The following DENND1A variants were observed in gnomAD, a reference collection of about 807,000 sequenced individuals.
The protein encoded by DENND1A is DENN domain containing 1A, also known as DENN domain-containing protein 1A.
A neutral mutation model predicts 113.7 loss-of-function variants in DENND1A; 51 were observed. The ratio of observed to expected loss-of-function variants is 0.45; its 90% CI spans 0.36 to 0.57. The LOEUF (loss-of-function observed/expected upper bound fraction) is 0.57. Ranked by LOEUF, DENND1A falls within the 20% of genes least tolerant of loss-of-function variation. The pLI is 0.00. For missense variants in DENND1A, 1,258 were observed against 1,395.9 expected (o/e 0.90, Z 1.57); for synonymous variants, 565 against 570.8 (o/e 0.99, Z 0.14).
At chr9:123,888,734 A>G (rs1849462339) in intron 1 of DENND1A, among the ~76,000 whole-genome samples, 1 of 152,246 alleles carries the variant, frequency 6.6e-6, no homozygotes, top group African/African-American at 2.4e-5. Flanking sequence ...AAGAGAAATG[A>G]CAACTAAATG....
intron 6 of DENND1A, among the ~76,000 whole-genome samples, chr9:123,676,133 C>T (rs2064063173): frequency 6.6e-6 from 1 of 152,130 alleles, no homozygotes; most frequent in South Asian, 2.1e-4. Context: ...CATAAAGGTC[C>T]AACTGGCCTT....
In DENND1A at chr9:123,709,011, T is replaced by G. The variant is rs182345071; in HGVS notation, c.303-32222A>C. 2.3e-3 allele frequency among the ~76,000 whole-genome samples: 344 copies of G among 152,350 alleles called. 3 individuals are homozygous for G. Among genetic ancestry groups the G allele is most frequent in the African/African-American group, 8.0e-3 (332 of 41,590 alleles). On this transcript the variant is annotated intron_variant, in intron 5 of 23. Coordinates refer to ENST00000394215, the MANE Select transcript of DENND1A (RefSeq NM_001352964.2). ...CGCCTCAGCCCTTTTTGGCTATCAG[T>G]AGGCTGCCTACCATTCCCCTGGAAT...
chr9:123,641,374 C>T (rs955421607), intron 9 of DENND1A, among the ~76,000 whole-genome samples: 1 of 150,624 alleles, frequency 6.6e-6, no homozygotes, highest in Non-Finnish European at 1.5e-5. Context: ...ATGACTTGAC[C>T]GCATTACTAA....
intron 19 of DENND1A, among the ~76,000 whole-genome samples, chr9:123,434,026 A>G (rs749758160): frequency 1.3e-5 from 2 of 152,254 alleles, no homozygotes; most frequent in African/African-American, 2.4e-5. Flanking sequence ...TTCTATTTGG[A>G]AACAAAATCC....
chr9:123,797,852 T>A (rs1043275733), intron 2 of DENND1A, among the ~76,000 whole-genome samples: 1 of 152,186 alleles, frequency 6.6e-6, no homozygotes, highest in African/African-American at 2.4e-5. Flanking sequence ...TTTTGAATTT[T>A]TTTAATTAAA....
At chr9:123,397,612 C>A (rs2043201698) in intron 21 of DENND1A, among the ~76,000 whole-genome samples, 1 of 152,180 alleles carries the variant, frequency 6.6e-6, no homozygotes, top group South Asian at 2.1e-4. Flanking sequence ...ACACACGGAA[C>A]AAGTCCACAT....
At chr9:123,427,868 G>A (rs2045860175) in intron 19 of DENND1A, among the ~76,000 whole-genome samples, 1 of 152,194 alleles carries the variant, frequency 6.6e-6, no homozygotes. Context: ...GCCTTGCGTG[G>A]GAGTTACTAG....
At chr9:123,879,597 G>A (rs1848035786) in intron 1 of DENND1A, among the ~76,000 whole-genome samples, 1 of 150,524 alleles carries the variant, frequency 6.6e-6, no homozygotes, top group Admixed American at 6.6e-5. Context: ...ATGATGTCTG[G>A]CACATAATAG....
chr9:123,465,260 C>T (rs1006447909), intron 13 of DENND1A, among the ~76,000 whole-genome samples: 4 of 148,506 alleles, frequency 2.7e-5, no homozygotes, highest in Non-Finnish European at 5.9e-5. Context: ...CAAATAACAA[C>T]AGTACAGTGT....
At chr9:123,467,207 G>C (rs2049030614) in intron 13 of DENND1A, among the ~76,000 whole-genome samples, 1 of 152,240 alleles carries the variant, frequency 6.6e-6, no homozygotes, top group Non-Finnish European at 1.5e-5. Context: ...AGCACGTAGA[G>C]TCCTGCTGAA....
At chr9:123,391,496 G>A (rs1019578921) in intron 21 of DENND1A, among the ~76,000 whole-genome samples, 2 of 152,200 alleles carry the variant, frequency 1.3e-5, no homozygotes, top group Non-Finnish European at 2.9e-5. Flanking sequence ...GCTAAAGGTA[G>A]AGCTAGGAAC....
At chr9:123,445,641 CG>C in intron 18 of DENND1A, among the ~76,000 whole-genome samples, 1 of 152,258 alleles carries the variant, frequency 6.6e-6, no homozygotes, top group East Asian at 1.9e-4. Flanking sequence ...GAGGCCGAGG[CG>C]GGCAGATCAC....
chr9:123,557,358 C>G (rs10986052), intron 13 of DENND1A, among the ~76,000 whole-genome samples: 25,190 of 152,128 alleles, frequency 0.17, 2,175 homozygotes, highest in Admixed American at 0.2. Context: ...CATAACAGCC[C>G]CCAGAGCAGT....
chr9:123,781,371 C>T (rs1831290002), intron 3 of DENND1A, among the ~76,000 whole-genome samples: 1 of 152,118 alleles, frequency 6.6e-6, no homozygotes, highest in Non-Finnish European at 1.5e-5. Context: ...AAATAATAAA[C>T]AGTTGTTTCA....
chr9:123,794,320 T>C (rs1343053462), intron 2 of DENND1A, among the ~76,000 whole-genome samples: 2 of 152,216 alleles, frequency 1.3e-5, no homozygotes, highest in Non-Finnish European at 2.9e-5. Context: ...GCAGTGGCTA[T>C]AATCCCTAAA....
intron 13 of DENND1A, among the ~76,000 whole-genome samples, chr9:123,551,355 T>C (rs2057034009): frequency 6.6e-6 from 1 of 152,202 alleles, no homozygotes. Context: ...CATTCTCCCG[T>C]CTATTATTCC....
At chr9:123,895,870 T>C (rs149441517) in intron 1 of DENND1A, among the ~76,000 whole-genome samples, 2 of 152,140 alleles carry the variant, frequency 1.3e-5, no homozygotes, top group East Asian at 3.9e-4. Context: ...ATGACCAAGG[T>C]GATGAAGAAA....
At chr9:123,643,175 C>T (rs1412320142) in intron 9 of DENND1A, among the ~76,000 whole-genome samples, 3 of 152,158 alleles carry the variant, frequency 2.0e-5, no homozygotes, top group East Asian at 1.9e-4. Flanking sequence ...ACAGGGTACC[C>T]GGTCCTGCCC....
At chr9:123,534,572 T>C (rs1393687020) in intron 13 of DENND1A, among the ~76,000 whole-genome samples, 1 of 152,240 alleles carries the variant, frequency 6.6e-6, no homozygotes, top group African/African-American at 2.4e-5. Flanking sequence ...TCCAAAATTC[T>C]GGTACCAATT....
Sources: gnomAD v4.1 joint callset for allele counts (sites outside exome capture counted in the v4.1 genomes callset) on GRCh38, gnomAD v4.1.1 for gene constraint, MANE v1.5 for transcripts, NCBI Gene and HGNC (gene_info 2026-07-23, HGNC 2026-07-21) for gene names.